The following PHF24 variants were observed in gnomAD, a reference collection of about 807,000 sequenced individuals.
PHF24 encodes the protein PHD finger protein 24.
A neutral mutation model predicts 42.6 loss-of-function variants in PHF24; 25 were observed. The ratio of observed to expected loss-of-function variants is 0.59; its 90% CI spans 0.43 to 0.82. The LOEUF (loss-of-function observed/expected upper bound fraction) is 0.82. Ranked by LOEUF, PHF24 falls within the 40% of genes least tolerant of loss-of-function variation. The probability of loss-of-function intolerance (pLI) is 0.00; values close to 1 mark genes in which losing one functional copy is unlikely to be tolerated. For missense variants in PHF24, 470 were observed against 538.1 expected (o/e 0.87, Z 1.25); for synonymous variants, 185 against 204.8 (o/e 0.90, Z 0.83).
At chr9:34,796,324 T>A in the PHF24 span, among the ~76,000 whole-genome samples, 960 of 152,038 alleles carry the variant, frequency 6.3e-3, 8 homozygotes, top group Middle Eastern at 0.037. Flanking sequence ...TAGAAAATAA[T>A]TCTTAGACAT....
chr9:34,726,418 C>T, the PHF24 span: 2 of 1,549,576 alleles, frequency 1.3e-6, no homozygotes, highest in East Asian at 4.9e-5. Context: ...TATGCAAGGC[C>T]ATTGGATGCA....
chr9:34,700,588 A>G, the PHF24 span, among the ~76,000 whole-genome samples: 1 of 152,166 alleles, frequency 6.6e-6, no homozygotes, highest in Non-Finnish European at 1.5e-5. Context: ...ACTTAAGTTG[A>G]AGCTGCATGT....
the PHF24 span, among the ~76,000 whole-genome samples, chr9:34,820,385 C>T: frequency 6.6e-6 from 1 of 152,044 alleles, no homozygotes; most frequent in Non-Finnish European, 1.5e-5. Context: ...ACCCTCCTTC[C>T]ACCCTCCACC....
At chr9:34,976,552 G>A in exon 5 of PHF24, 1 of 1,613,352 alleles carries the variant, frequency 6.2e-7, no homozygotes, top group African/African-American at 1.3e-5. Context: ...CCTGACACTG[G>A]AGGACTTTCT....
chr9:34,879,933 T>C, the PHF24 span, among the ~76,000 whole-genome samples: 2 of 152,064 alleles, frequency 1.3e-5, no homozygotes, highest in Non-Finnish European at 2.9e-5. Context: ...GGAAAAAATA[T>C]TAAGGGTAGC....
chr9:34,922,240 A>G, the PHF24 span: 3 of 1,593,026 alleles, frequency 1.9e-6, no homozygotes, highest in Non-Finnish European at 2.6e-6. Context: ...TCCGATGTCC[A>G]CAATGTCAAG....
chr9:34,971,406 C>A, exon 2 of PHF24: 1 of 1,614,142 alleles, frequency 6.2e-7, no homozygotes, highest in Non-Finnish European at 8.5e-7. Context: ...CCATCCGACG[C>A]ACAGGTGAGC....
chr9:34,759,513 G>A, the PHF24 span, among the ~76,000 whole-genome samples: 1 of 152,116 alleles, frequency 6.6e-6, no homozygotes, highest in East Asian at 1.9e-4. Context: ...GGTGTAGGGT[G>A]TTCAGCCATC....
At chr9:34,875,604 A>C in the PHF24 span, among the ~76,000 whole-genome samples, 1 of 152,178 alleles carries the variant, frequency 6.6e-6, no homozygotes, top group Non-Finnish European at 1.5e-5. Context: ...GGTCACAGTC[A>C]CTACATAGTC....
At chr9:34,971,321 G>A (rs773411796) in exon 2 of PHF24, 3 of 1,608,000 alleles carry the variant, frequency 1.9e-6, no homozygotes, top group Non-Finnish European at 1.7e-6. Flanking sequence ...ATGTCCAAGC[G>A]GCAGACAGTG....
chr9:34,704,036 A>AT, the PHF24 span, among the ~76,000 whole-genome samples: 8 of 143,452 alleles, frequency 5.6e-5, no homozygotes, highest in African/African-American at 1.6e-4. Context: ...ATTAGCTCTA[A>AT]TTTTTTGTTT....
At chr9:34,691,346 T>G in the PHF24 span, 1 of 517,814 alleles carries the variant, frequency 1.9e-6, no homozygotes, top group East Asian at 3.3e-5. Context: ...CCCCTTCATG[T>G]CCCATTCTGT....
At chr9:34,681,675 G>A in the PHF24 span, among the ~76,000 whole-genome samples, 3 of 152,310 alleles carry the variant, frequency 2.0e-5, no homozygotes, top group Non-Finnish European at 4.4e-5. Context: ...GCTGGGTGTG[G>A]TGGTGTGTAC....
chr9:34,679,424 C>G, the PHF24 span, among the ~76,000 whole-genome samples: 1 of 152,202 alleles, frequency 6.6e-6, no homozygotes, highest in African/African-American at 2.4e-5. Flanking sequence ...TTTTCTGGAA[C>G]TAGTTTAGAG....
chr9:34,831,307 T>C, the PHF24 span, among the ~76,000 whole-genome samples: 2 of 152,132 alleles, frequency 1.3e-5, no homozygotes, highest in Non-Finnish European at 2.9e-5. Context: ...GCTGACTGGG[T>C]GCCCACCATT....
chr9:34,873,598 G>T, the PHF24 span, among the ~76,000 whole-genome samples: 1 of 151,814 alleles, frequency 6.6e-6, no homozygotes, highest in Non-Finnish European at 1.5e-5. Flanking sequence ...TGCTGTTTTG[G>T]TTACTGTAGC....
At chr9:34,726,918 T>C in the PHF24 span, 1 of 1,551,718 alleles carries the variant, frequency 6.4e-7, no homozygotes, top group Non-Finnish European at 8.7e-7. Context: ...GCCACAGAAT[T>C]GCAGATTTGG....
chr9:34,716,868 C>T, the PHF24 span, among the ~76,000 whole-genome samples: 1 of 152,184 alleles, frequency 6.6e-6, no homozygotes, highest in Admixed American at 6.5e-5. Context: ...CTCAGCCTTC[C>T]AAAGTACTGG....
the PHF24 span, among the ~76,000 whole-genome samples, chr9:34,745,762 A>G: frequency 6.6e-6 from 1 of 151,864 alleles, no homozygotes; most frequent in Non-Finnish European, 1.5e-5. Flanking sequence ...GTTTAAAAAA[A>G]CATTTCAAAA....
Sources: gnomAD v4.1 joint callset for allele counts (sites outside exome capture counted in the v4.1 genomes callset) on GRCh38, gnomAD v4.1.1 for gene constraint, MANE v1.5 for transcripts, NCBI Gene and HGNC (gene_info 2026-07-23, HGNC 2026-07-21) for gene names.